Variants in DLG1 observed in about 807,000 individuals in gnomAD.
DLG1 encodes disks large homolog 1.
A neutral mutation model predicts 123.4 loss-of-function variants in DLG1; 42 were observed. That is an observed-to-expected ratio of 0.34 (90% CI 0.27 to 0.44). The LOEUF (loss-of-function observed/expected upper bound fraction) is 0.44. DLG1 is among the 20% of genes least tolerant of loss of function. The probability of loss-of-function intolerance (pLI) is 1.00; values close to 1 mark genes in which losing one functional copy is unlikely to be tolerated. For missense variants in DLG1, 942 were observed against 1,082.6 expected (o/e 0.87, Z 1.82); for synonymous variants, 317 against 356.2 (o/e 0.89, Z 1.24).
chr3:197,149,926 A>T, intron 5 of DLG1, 130 bp from the exon 6 acceptor site: 1 of 624,120 alleles, frequency 1.6e-6, no homozygotes, highest in Non-Finnish European at 2.9e-6. Context: ...TTTATATGTT[A>T]AATAATATAT....
At chr3:197,282,990 ATTATC>A (rs1020851347) in intron 3 of DLG1, 145 bp from the exon 4 acceptor site, 3 of 490,508 alleles carry the variant, frequency 6.1e-6, no homozygotes, top group African/African-American at 3.9e-5. Context: ...AACAGTGAAT[ATTATC>A]TTATTTCATT....
rs1264388735 is a variant in DLG1 at position 197,296,353 on chromosome 3, A to T, written c.144T>A (p.Ala48=). 1.9e-6 allele frequency: 3 copies of T among 1,613,330 alleles called. No homozygotes were observed. Among genetic ancestry groups the T allele is most frequent in the Non-Finnish European group, 2.5e-6 (3 of 1,179,446 alleles). The change falls in exon 3 of 25, where the codon GCT becomes GCA. Residue 48 remains alanine (A), a synonymous_variant. Coordinates refer to ENST00000667157, the MANE Select transcript of DLG1 (RefSeq NM_001366207.1). ...INIFQSNLFQ[A]LIDIQEFYEV... ...CGAAGTTTTAATTCCCACCTATTAA[A>T]GCCTGAAAGAGGTTGCTCTGAAATA...
intron 14 of DLG1, among the ~76,000 whole-genome samples, chr3:197,097,923 T>C (rs537113267): frequency 2.0e-5 from 3 of 152,294 alleles, no homozygotes; most frequent in Admixed American, 6.5e-5. Flanking sequence ...TATGTTTCTA[T>C]TATTTTACTT....
chr3:197,093,367 C>G (rs1048780161), intron 14 of DLG1, among the ~76,000 whole-genome samples: 16 of 152,122 alleles, frequency 1.1e-4, no homozygotes, highest in African/African-American at 3.9e-4. Flanking sequence ...CCATGTTGGC[C>G]AGGATGGTCT....
intron 5 of DLG1, among the ~76,000 whole-genome samples, chr3:197,167,186 A>G (rs1046847877): frequency 6.6e-6 from 1 of 152,208 alleles, no homozygotes; most frequent in African/African-American, 2.4e-5. Context: ...ATACATCAAT[A>G]AATAAATGAA....
intron 14 of DLG1, among the ~76,000 whole-genome samples, chr3:197,100,173 A>G (rs899948916): frequency 6.6e-6 from 1 of 152,216 alleles, no homozygotes; most frequent in African/African-American, 2.4e-5. Flanking sequence ...AGAAATGACA[A>G]ATGTCTGCAA....
At chr3:197,096,253 TTCTTCCCTTCCATATTTGTAACTC>T (rs1366543433) in intron 14 of DLG1, among the ~76,000 whole-genome samples, 1 of 152,236 alleles carries the variant, frequency 6.6e-6, no homozygotes, top group Non-Finnish European at 1.5e-5. Flanking sequence ...TGTTTAAGTT[TTCTTCCCTTCCATATTTGTAACTC>T]TCTTCTCAAC....
At chr3:197,232,874 C>T (rs1486976423) in intron 4 of DLG1, among the ~76,000 whole-genome samples, 5 of 152,000 alleles carry the variant, frequency 3.3e-5, no homozygotes, top group Admixed American at 3.3e-4. Context: ...CTACAAAAAA[C>T]CTACATTTAA....
At chr3:197,047,277 A>C (rs1248967644) in intron 24 of DLG1, among the ~76,000 whole-genome samples, 1 of 152,224 alleles carries the variant, frequency 6.6e-6, no homozygotes, top group African/African-American at 2.4e-5. Context: ...ATCTACCTGA[A>C]ACTTACTCTC....
chr3:197,267,482 CA>C (rs1762173321), intron 4 of DLG1, among the ~76,000 whole-genome samples: 2 of 152,092 alleles, frequency 1.3e-5, no homozygotes, highest in Admixed American at 6.5e-5. Context: ...AGGAGAAAGA[CA>C]GGGGGAGAAA....
chr3:197,065,880 G>A (rs1024704170), intron 20 of DLG1, 71 bp from the exon 21 acceptor site: 46 of 1,025,600 alleles, frequency 4.5e-5, no homozygotes, highest in Admixed American at 1.4e-4. Flanking sequence ...TTTCACCAGC[G>A]AACAAAAATA....
Position 197,137,675 on chromosome 3 carries a change from CG to C in DLG1, c.883+546del, listed in dbSNP as rs1478839092. ...ATGTATAAAAGCATACATCAATAAA[CG>C]TAAGAATTTTGGGCCAGGTGCAGTG... On this transcript the variant is annotated intron_variant, in intron 9 of 24. Transcript: ENST00000667157. 4.6e-5 allele frequency among the ~76,000 whole-genome samples: 7 copies of C among 152,004 alleles called. No individual in the cohort carries two copies. The South Asian group carries it at 6.2e-4, about 13-fold the overall frequency.
At chr3:197,184,219 GC>G in intron 5 of DLG1, 1 of 645,998 alleles carries the variant, frequency 1.5e-6, no homozygotes, top group Non-Finnish European at 1.9e-6. Context: ...ACCCTGTGGG[GC>G]TGCCTGATTT....
At chr3:197,134,750 T>C (rs1784289858) in intron 10 of DLG1, among the ~76,000 whole-genome samples, 1 of 152,248 alleles carries the variant, frequency 6.6e-6, no homozygotes, top group African/African-American at 2.4e-5. Context: ...CACAAACCTA[T>C]GTTTGACCTG....
intron 4 of DLG1, among the ~76,000 whole-genome samples, chr3:197,231,339 T>C (rs1391760832): frequency 6.6e-6 from 1 of 152,234 alleles, no homozygotes. Context: ...TGTGGACATT[T>C]CTGTTATAAG....
chr3:197,115,645 T>C (rs1470723359), intron 13 of DLG1, among the ~76,000 whole-genome samples: 1 of 152,170 alleles, frequency 6.6e-6, no homozygotes, highest in Non-Finnish European at 1.5e-5. Context: ...AGTACACAAG[T>C]AACAAACTTG....
chr3:197,119,253 T>C (rs531855068), intron 12 of DLG1, among the ~76,000 whole-genome samples, 157 bp downstream of exon 12: 155 of 152,336 alleles, frequency 1.0e-3, no homozygotes, highest in African/African-American at 3.5e-3. Flanking sequence ...TTTCAGGCTC[T>C]TCAATGAATC....
At chr3:197,091,892 A>G (rs962384749) in intron 14 of DLG1, among the ~76,000 whole-genome samples, 1 of 152,192 alleles carries the variant, frequency 6.6e-6, no homozygotes, top group Non-Finnish European at 1.5e-5. Flanking sequence ...ATGACAGAGT[A>G]AGAGTAAGCA....
intron 4 of DLG1, among the ~76,000 whole-genome samples, chr3:197,226,520 T>C (rs1389269358): frequency 3.9e-5 from 6 of 152,202 alleles, no homozygotes; most frequent in Non-Finnish European, 8.8e-5. Flanking sequence ...TGTAGTCTGA[T>C]TTAAAATATA....
Sources: allele counts gnomAD v4.1 joint callset (sites outside exome capture counted in the v4.1 genomes callset), GRCh38; gene constraint gnomAD v4.1.1; transcripts MANE v1.5; gene names NCBI Gene and HGNC (gene_info 2026-07-23, HGNC 2026-07-21).